The following PDE8B variants were observed in gnomAD, a reference collection of about 807,000 sequenced individuals.
PDE8B encodes phosphodiesterase 8B, also known as high affinity cAMP-specific and IBMX-insensitive 3',5'-cyclic phosphodiesterase 8B.
A neutral mutation model predicts 101.3 loss-of-function variants in PDE8B; 26 were observed. The observed-to-expected ratio is 0.26, with a 90% CI of 0.19 to 0.36. The LOEUF (loss-of-function observed/expected upper bound fraction) is 0.36, where lower values mean the gene tolerates loss of function less well. PDE8B is among the 10% of genes least tolerant of loss of function. The pLI is 1.00. For synonymous variants in PDE8B, 424 were observed against 429.3 expected, an observed-to-expected ratio of 0.99 and a Z score of 0.15; for missense variants, 810 against 1,163.1, an observed-to-expected ratio of 0.70 and a Z score of 4.42.
At chr5:77,134,891 C>A in the PDE8B span, among the ~76,000 whole-genome samples, 22 of 152,142 alleles carry the variant, frequency 1.4e-4, no homozygotes, top group Non-Finnish European at 2.8e-4. Flanking sequence ...CCACAGGAGC[C>A]ATGGGGAACT....
At chr5:77,300,168 G>C (rs1298271999) in intron 1 of PDE8B, among the ~76,000 whole-genome samples, 1 of 152,224 alleles carries the variant, frequency 6.6e-6, no homozygotes, top group Non-Finnish European at 1.5e-5. Flanking sequence ...CAGAGCTTTA[G>C]AGTTTTAGAG....
At chr5:77,310,759 G>C (rs1772415353) in intron 1 of PDE8B, among the ~76,000 whole-genome samples, 1 of 152,136 alleles carries the variant, frequency 6.6e-6, no homozygotes, top group Non-Finnish European at 1.5e-5. Flanking sequence ...CTGCTGGCTG[G>C]TTTGGTGAGA....
chr5:77,176,006 G>C, the PDE8B span, among the ~76,000 whole-genome samples: 39 of 152,190 alleles, frequency 2.6e-4, no homozygotes, highest in Non-Finnish European at 4.7e-4. Context: ...AACCAGAATG[G>C]GGTTATCAGT....
the PDE8B span, chr5:77,140,957 C>T: frequency 3.3e-5 from 5 of 152,044 alleles, no homozygotes; most frequent in Admixed American, 6.6e-5. Context: ...CATATTTGTA[C>T]TCATATACAT....
At chr5:77,249,881 A>G (rs1204762637) in intron 1 of PDE8B, among the ~76,000 whole-genome samples, 4 of 152,248 alleles carry the variant, frequency 2.6e-5, no homozygotes, top group Non-Finnish European at 4.4e-5. Flanking sequence ...TCTCTTGGAA[A>G]AAACAGAGAT....
the PDE8B span, among the ~76,000 whole-genome samples, chr5:77,138,536 T>C: frequency 5.9e-5 from 9 of 152,204 alleles, no homozygotes; most frequent in Non-Finnish European, 1.2e-4. Context: ...TTTAACAGGG[T>C]TTCCTTATTT....
chr5:77,166,454 C>T, the PDE8B span, among the ~76,000 whole-genome samples: 1 of 152,058 alleles, frequency 6.6e-6, no homozygotes, highest in Non-Finnish European at 1.5e-5. Flanking sequence ...CCATTATCAA[C>T]CCAATATACT....
At chr5:77,288,383 C>T (rs1766492180) in intron 1 of PDE8B, among the ~76,000 whole-genome samples, 2 of 152,210 alleles carry the variant, frequency 1.3e-5, no homozygotes, top group Admixed American at 6.5e-5. Context: ...TCCTTCTTGC[C>T]TTCCTTTCTC....
intron 1 of PDE8B, among the ~76,000 whole-genome samples, chr5:77,272,293 A>G (rs537294896): frequency 6.6e-6 from 1 of 152,310 alleles, no homozygotes; most frequent in Admixed American, 6.5e-5. Flanking sequence ...TTAAGTTGAT[A>G]TCATTGTACT....
intron 20 of PDE8B, among the ~76,000 whole-genome samples, chr5:77,422,575 A>G (rs1453703910): frequency 1.3e-5 from 2 of 152,216 alleles, no homozygotes; most frequent in East Asian, 3.9e-4. Context: ...GGGAAATAGA[A>G]TTTTTATAAA....
At chr5:77,231,045 A>G (rs1001241214) in intron 1 of PDE8B, among the ~76,000 whole-genome samples, 3 of 152,222 alleles carry the variant, frequency 2.0e-5, no homozygotes, top group Admixed American at 2.0e-4. Context: ...CATTGGAAGC[A>G]CTAGAATTAA....
intron 1 of PDE8B, chr5:77,290,926 G>A: frequency 6.2e-7 from 1 of 1,609,272 alleles, no homozygotes; most frequent in South Asian, 1.1e-5. Flanking sequence ...GGTGCAATTT[G>A]TTCCTTGACT....
chr5:77,381,688 G>A (rs17750729), intron 10 of PDE8B, among the ~76,000 whole-genome samples: 29,303 of 151,764 alleles, frequency 0.19, 3,408 homozygotes, highest in East Asian at 0.38. Context: ...TGTTTTTAGG[G>A]TTTTCTCCTA....
At chr5:77,421,088 C>T (rs335644) in intron 19 of PDE8B, among the ~76,000 whole-genome samples, 79,616 of 151,996 alleles carry the variant, frequency 0.52, 21,511 homozygotes, top group East Asian at 0.75. Context: ...TGTACCAACT[C>T]GTGTCCTGGC....
chr5:77,122,210 T>A, the PDE8B span, among the ~76,000 whole-genome samples: 2 of 152,210 alleles, frequency 1.3e-5, no homozygotes, highest in African/African-American at 4.8e-5. Flanking sequence ...ATCACTGCGA[T>A]TGCCCATCCA....
At chr5:77,325,863 T>G in intron 3 of PDE8B, 134 bp downstream of exon 3, 1 of 690,998 alleles carries the variant, frequency 1.4e-6, no homozygotes, top group Non-Finnish European at 2.5e-6. Context: ...TGTATACAGA[T>G]GTCTGTGGTG....
At chr5:77,158,448 A>G in the PDE8B span, among the ~76,000 whole-genome samples, 1 of 152,332 alleles carries the variant, frequency 6.6e-6, no homozygotes, top group East Asian at 1.9e-4. Flanking sequence ...CTGCTAGTTA[A>G]GGAGACATGC....
In PDE8B at chr5:77,317,094, A is replaced by G. The variant is rs546384089; in HGVS notation, c.399+5041A>G. ...CTATGCTAAGTGTTGCAGGGGAGAG[A>G]GAGAAGGCACCATGTTCCCTGACCA... On this transcript the variant is annotated intron_variant, in intron 2 of 21. Transcript: ENST00000264917. Among the ~76,000 whole-genome samples the G allele has an allele frequency of 3.3e-5, 5 of 152,214 alleles. No homozygotes were observed. In the East Asian group the frequency reaches 9.7e-4, roughly 29 times the overall value.
chr5:77,304,578 T>C (rs1770743113), intron 1 of PDE8B, among the ~76,000 whole-genome samples: 1 of 152,214 alleles, frequency 6.6e-6, no homozygotes, highest in Non-Finnish European at 1.5e-5. Flanking sequence ...TATTTCATGG[T>C]TGTATATTTT....
Sources: gnomAD v4.1 joint callset for allele counts (sites outside exome capture counted in the v4.1 genomes callset) on GRCh38, gnomAD v4.1.1 for gene constraint, MANE v1.5 for transcripts, NCBI Gene and HGNC (gene_info 2026-07-23, HGNC 2026-07-21) for gene names.